Variants in DIAPH2 observed in about 807,000 individuals in gnomAD.
DIAPH2 encodes protein diaphanous homolog 2.
Under a neutral mutation model 92.7 loss-of-function variants are expected in DIAPH2, and 35 were observed. That is an observed-to-expected ratio of 0.38 (90% CI 0.29 to 0.50). DIAPH2 has a LOEUF of 0.50. Among genes scored for constraint, DIAPH2 ranks in the 20% least tolerant of loss-of-function variants. The probability of loss-of-function intolerance (pLI) is 0.94; values close to 1 mark genes in which losing one functional copy is unlikely to be tolerated. For synonymous variants in DIAPH2, 301 were observed against 280.4 expected (o/e 1.07, Z -0.73); for missense variants, 701 against 819.5 (o/e 0.86, Z 1.77).
At chrX:96,820,747 A>G (rs1243016136) in intron 4 of DIAPH2, among the ~76,000 whole-genome samples, 1 of 112,241 alleles carries the variant, frequency 8.9e-6, no homozygotes, top group East Asian at 2.8e-4. Flanking sequence ...CTTGCAGTAA[A>G]GAGTAGAAAC....
intron 17 of DIAPH2, among the ~76,000 whole-genome samples, chrX:97,057,714 A>G (rs1459419632): frequency 8.9e-6 from 1 of 112,059 alleles, no homozygotes; most frequent in Non-Finnish European, 1.9e-5. Flanking sequence ...GTTATGCAGC[A>G]ACTTTTTGTA....
At chrX:96,870,180 CTGT>C (rs375333654) in intron 4 of DIAPH2, among the ~76,000 whole-genome samples, 129 of 111,468 alleles carry the variant, frequency 1.2e-3, no homozygotes, top group African/African-American at 4.1e-3. Context: ...AATATTTTCC[CTGT>C]TGTTAGATTC....
chrX:96,857,801 T>C (rs770373222), intron 4 of DIAPH2, among the ~76,000 whole-genome samples: 14 of 112,614 alleles, frequency 1.2e-4, no homozygotes, highest in Non-Finnish European at 2.4e-4. Flanking sequence ...TTGTTTTCTT[T>C]GTTGTTATCT....
At chrX:96,850,176 C>T (rs1602563966) in intron 4 of DIAPH2, among the ~76,000 whole-genome samples, 1 of 111,365 alleles carries the variant, frequency 9.0e-6, no homozygotes, top group East Asian at 2.8e-4. Flanking sequence ...ATAGTATTGG[C>T]TGCCATAGTG....
At position 97,601,418 on chromosome X, in the gene DIAPH2, A is replaced by C. The variant is rs2071595180; in HGVS notation, c.*2101A>C. 2 of 104,774 alleles carry C rather than the reference A, an allele frequency of 1.9e-5. No individual in the cohort carries two copies. The highest frequency in any genetic ancestry group is 4.4e-4 in the South Asian group (1 of 2,280). The allele number at this position is 104,774 out of a possible 1,213,427, so 8.6% of individuals were successfully genotyped here. A position where few individuals can be genotyped will look rare whatever the true frequency, so the allele number is the denominator to read the frequency against. On this transcript the variant is annotated 3_prime_UTR_variant, in exon 27 of 27. Coordinates refer to ENST00000324765, the MANE Select transcript of DIAPH2 (RefSeq NM_006729.5). ...TGATAACTTATATATTTTTATTTAG[A>C]GCAATCCCACATGCTTTTCACAAAC...
intron 1 of DIAPH2, among the ~76,000 whole-genome samples, chrX:96,716,783 A>G (rs1400856629): frequency 2.7e-5 from 3 of 111,787 alleles, no homozygotes; most frequent in African/African-American, 9.7e-5. Context: ...TGGATCTTCA[A>G]AGAAGCAACT....
At chrX:96,858,635 T>C (rs1282234452) in intron 4 of DIAPH2, among the ~76,000 whole-genome samples, 3 of 111,766 alleles carry the variant, frequency 2.7e-5, no homozygotes, top group African/African-American at 9.8e-5. Flanking sequence ...TCAAGTCAGG[T>C]TCCTGGCCCA....
chrX:96,811,118 A>G (rs2064676528), intron 4 of DIAPH2, among the ~76,000 whole-genome samples: 1 of 111,649 alleles, frequency 9.0e-6, no homozygotes, highest in African/African-American at 3.3e-5. Context: ...CAGTATGGCC[A>G]TTTTCATGAT....
intron 1 of DIAPH2, among the ~76,000 whole-genome samples, chrX:96,702,738 AG>A (rs1168185395): frequency 8.9e-6 from 1 of 112,119 alleles, no homozygotes; most frequent in Non-Finnish European, 1.9e-5. Context: ...ACAGTTGTGG[AG>A]ACTGGAAGTC....
intron 25 of DIAPH2, among the ~76,000 whole-genome samples, chrX:97,385,345 G>C (rs1382435840): frequency 9.1e-6 from 1 of 110,225 alleles, no homozygotes; most frequent in African/African-American, 3.3e-5. Flanking sequence ...CAATTCTCCT[G>C]CCTCAGCCTC....
At chrX:97,028,929 T>C (rs1482759528) in intron 17 of DIAPH2, among the ~76,000 whole-genome samples, 1 of 111,539 alleles carries the variant, frequency 9.0e-6, no homozygotes, top group Non-Finnish European at 1.9e-5. Context: ...ACATTCCCAC[T>C]AGCAATGTAA....
intron 23 of DIAPH2, among the ~76,000 whole-genome samples, chrX:97,326,073 G>C (rs2068948605): frequency 8.9e-6 from 1 of 112,311 alleles, no homozygotes; most frequent in African/African-American, 3.2e-5. Flanking sequence ...GGAAGTCTTT[G>C]TGAATTTAAA....
chrX:97,081,259 A>AT (rs201411563), intron 19 of DIAPH2, among the ~76,000 whole-genome samples: 7 of 109,970 alleles, frequency 6.4e-5, no homozygotes, highest in South Asian at 3.8e-4. Context: ...GTGATTAAAA[A>AT]TTTTTTTTTG....
chrX:97,229,853 CAT>C (rs1176287283), intron 22 of DIAPH2, among the ~76,000 whole-genome samples: 3 of 93,884 alleles, frequency 3.2e-5, no homozygotes, highest in South Asian at 4.6e-4. Context: ...TTATATATAA[CAT>C]ATTATATATT....
At chrX:97,485,285 A>T (rs1039938486) in intron 26 of DIAPH2, among the ~76,000 whole-genome samples, 53 of 111,063 alleles carry the variant, frequency 4.8e-4, no homozygotes, top group Middle Eastern at 4.6e-3. Flanking sequence ...TTTTTTTTTT[A>T]AAAATCTAAT....
intron 5 of DIAPH2, among the ~76,000 whole-genome samples, chrX:96,906,935 T>G (rs1451803221): frequency 1.8e-5 from 2 of 111,718 alleles, no homozygotes. Flanking sequence ...TCTCCAGATA[T>G]AATCTTGGCT....
chrX:97,007,129 C>T lies in DIAPH2; in HGVS notation c.2050+41922C>T, dbSNP rs2066188596. Reference sequence around the variant, plus strand: ...TTTTTTCTCTTTATATCTTATTGTACTATGTCTTGAAAAATTGTTGTAGTT... The same window carrying T: ...TTTTTTCTCTTTATATCTTATTGTATTATGTCTTGAAAAATTGTTGTAGTT... On this transcript the variant is annotated intron_variant, in intron 17 of 26. Coordinates refer to ENST00000324765, the MANE Select transcript of DIAPH2 (RefSeq NM_006729.5). Among the ~76,000 whole-genome samples, 3 of 111,551 alleles carry T rather than the reference C, an allele frequency of 2.7e-5. No homozygotes were observed. In the South Asian group the frequency reaches 1.1e-3, roughly 42 times the overall value.
rs144087541 is a variant in DIAPH2, at chrX:97,228,342, T to C, written c.2720-19373T>C. ...TGCAAATACATGAGGCCCTGGATCC[T>C]AAAATCATTGGGGTCATATGCTAGA... On this transcript the variant is annotated intron_variant, in intron 22 of 26. Coordinates refer to ENST00000324765, the MANE Select transcript of DIAPH2 (RefSeq NM_006729.5). Among the ~76,000 whole-genome samples the C allele has an allele frequency of 7.4e-3, 825 of 112,024 alleles. 11 individuals are homozygous for C. The highest frequency in any genetic ancestry group is 0.025 in the African/African-American group (786 of 30,856).
chrX:97,214,659 C>G (rs1490024279), intron 22 of DIAPH2, among the ~76,000 whole-genome samples: 1 of 108,099 alleles, frequency 9.3e-6, no homozygotes, highest in Non-Finnish European at 1.9e-5. Flanking sequence ...TGGAGAAACC[C>G]TGTCTCTACT....
Sources: gnomAD v4.1 joint callset for allele counts (sites outside exome capture counted in the v4.1 genomes callset) on GRCh38, gnomAD v4.1.1 for gene constraint, MANE v1.5 for transcripts, NCBI Gene and HGNC (gene_info 2026-07-23, HGNC 2026-07-21) for gene names.